The following TXNL1 variants were observed in gnomAD, a reference collection of about 807,000 sequenced individuals.
The protein encoded by TXNL1 is thioredoxin like 1.
TXNL1 carries 14 observed loss-of-function variants against 35.5 expected under a neutral mutation model. The observed-to-expected ratio is 0.39, with a 90% confidence interval of 0.26 to 0.62. The LOEUF is 0.62. Among genes scored for constraint, TXNL1 ranks in the 20% least tolerant of loss-of-function variants. The pLI is 0.47. For synonymous variants in TXNL1, 110 were observed against 115.5 expected (o/e 0.95, Z 0.31); for missense variants, 263 against 349.7 (o/e 0.75, Z 1.98).
intron 3 of TXNL1, among the ~76,000 whole-genome samples, chr18:56,620,887 T>C (rs529787910): frequency 8.5e-5 from 13 of 152,300 alleles, no homozygotes; most frequent in Non-Finnish European, 1.3e-4. Flanking sequence ...TTATAGTAAA[T>C]GTATTACTCA....
At chr18:56,633,364 G>A (rs373951050) in intron 1 of TXNL1, among the ~76,000 whole-genome samples, 10 of 150,916 alleles carry the variant, frequency 6.6e-5, no homozygotes, top group Admixed American at 2.6e-4. Context: ...GGAGAATGGC[G>A]TGAACTCGGG....
At position 56,638,580 on chromosome 18, in the gene TXNL1, C is replaced by G. The variant is rs961241825; in HGVS notation, c.-140G>C. On this transcript the variant is annotated 5_prime_UTR_variant, in exon 1 of 8. Coordinates refer to ENST00000217515, the MANE Select transcript of TXNL1 (RefSeq NM_004786.3). ...AGGTGGCGACCGCCGAGTCTTCTCCCGGGACTCTCAGTGCCGAGTCACGCC... is the reference window on the plus strand; with the variant it reads ...AGGTGGCGACCGCCGAGTCTTCTCCGGGGACTCTCAGTGCCGAGTCACGCC... 40 of 635,046 alleles carry G rather than the reference C, an allele frequency of 6.3e-5. No individual in the cohort carries two copies. The African/African-American group carries it at 7.8e-4, about 12-fold the overall frequency. The allele number at this position is 635,046 out of a possible 1,614,324, so 39.3% of individuals were successfully genotyped here. A position where few individuals can be genotyped will look rare whatever the true frequency, so the allele number is the denominator to read the frequency against.
chr18:56,616,298 G>A lies in TXNL1; in HGVS notation c.509C>T (p.Ala170Val). 2.5e-6 allele frequency: 4 copies of A among 1,613,620 alleles called. No homozygotes were observed. Among genetic ancestry groups the A allele is most frequent in the Non-Finnish European group, 2.5e-6 (3 of 1,179,806 alleles). Residue 170 changes from alanine (A) to valine (V), a missense_variant, in exon 5 of 8, where the codon GCA becomes GTA. Coordinates refer to ENST00000217515, the MANE Select transcript of TXNL1 (RefSeq NM_004786.3). Reference protein sequence around the residue: ...DCDEQLLITVAFNQPVKLYSM... With the variant: ...DCDEQLLITVVFNQPVKLYSM... ...ATAAAGCTTAACAGGTTGATTGAAT[G>A]CCACAGTAATAAGCAGCTGTGAAGA...
chr18:56,630,210 A>G (rs969548055), intron 1 of TXNL1, among the ~76,000 whole-genome samples: 1 of 152,154 alleles, frequency 6.6e-6, no homozygotes, highest in African/African-American at 2.4e-5. Context: ...AAAGAAAAAA[A>G]AAAAAAAAGA....
At position 56,611,074 on chromosome 18, in the gene TXNL1, A is replaced by G; in HGVS notation, c.759T>C (p.Gly253=). 1 of 1,605,768 alleles carries G rather than the reference A, an allele frequency of 6.2e-7. No homozygotes were observed. The highest frequency in any genetic ancestry group is 8.5e-7 in the Non-Finnish European group (1 of 1,177,482). Residue 253 remains glycine, a synonymous_variant, in exon 7 of 8, where the codon GGT becomes GGC. Transcript: ENST00000217515. ...ATGAAATTCTTGTTGTTTCCTCTTC[A>G]CCTTGATTCGACTGAACAAATATCT... ...SVTIFVQSNQ[G]EEETTRISYF...
In TXNL1 at chr18:56,599,046, G is replaced by A. The variant is rs1239218589; in HGVS notation, c.*3981C>T. 2.0e-5 allele frequency: 3 copies of A among 152,120 alleles called. No homozygotes were observed. Among genetic ancestry groups the A allele is most frequent in the Non-Finnish European group, 4.4e-5 (3 of 68,022 alleles). The allele number at this position is 152,120 out of a possible 1,614,324, so 9.4% of individuals were successfully genotyped here. A position where few individuals can be genotyped will look rare whatever the true frequency, so the allele number is the denominator to read the frequency against. ...CTCTTCCCATAGAGAAGCATAGCAA[G>A]CACGAAGGAAAAATACTCTAGCAGT... On this transcript the variant is annotated 3_prime_UTR_variant, in exon 8 of 8. Coordinates refer to ENST00000217515, the MANE Select transcript of TXNL1 (RefSeq NM_004786.3).
chr18:56,624,839 C>T (rs1422234075), intron 2 of TXNL1, among the ~76,000 whole-genome samples: 1 of 152,096 alleles, frequency 6.6e-6, no homozygotes, highest in African/African-American at 2.4e-5. Context: ...CAAACCACTG[C>T]TACTAGAAAA....
chr18:56,638,415 C>G lies in TXNL1; in HGVS notation c.26G>C (p.Ser9Thr). The change falls in exon 1 of 8, where the codon AGC (serine) becomes ACC (threonine). Residue 9 changes from serine (S) to threonine (T), a missense_variant. Physicochemically the swap from Ser to Thr is moderately conservative, Grantham distance 58 (BLOSUM62 1). Coordinates refer to ENST00000217515, the MANE Select transcript of TXNL1 (RefSeq NM_004786.3). MVGVKPVG[S>T]DPDFQPELSG... ...CAGCTCTGGCTGGAAATCCGGGTCG[C>G]TCCCGACGGGCTTCACCCCCACCAT... 1.9e-6 allele frequency: 3 copies of G among 1,613,540 alleles called. No homozygotes were observed. The highest frequency in any genetic ancestry group is 2.5e-6 in the Non-Finnish European group (3 of 1,179,748).
chr18:56,638,414 G>T lies in TXNL1; in HGVS notation c.27C>A (p.Ser9Arg), dbSNP rs1192256724. 2 of 1,613,436 alleles carry T rather than the reference G, an allele frequency of 1.2e-6. No homozygotes were observed. The highest frequency in any genetic ancestry group is 2.2e-5 in the South Asian group (2 of 90,962). Residue 9 changes from serine to arginine, a missense_variant, in exon 1 of 8, where the codon AGC becomes AGA. Physicochemically the swap from Ser to Arg is moderately radical, Grantham distance 110. Coordinates refer to ENST00000217515, the MANE Select transcript of TXNL1 (RefSeq NM_004786.3). ...TCAGCTCTGGCTGGAAATCCGGGTC[G>T]CTCCCGACGGGCTTCACCCCCACCA... MVGVKPVG[S>R]DPDFQPELSG...
At chr18:56,621,506 A>G (rs1482959699) in intron 3 of TXNL1, among the ~76,000 whole-genome samples, 1 of 152,156 alleles carries the variant, frequency 6.6e-6, no homozygotes. Context: ...CACAAAACAT[A>G]TTTAAAGGGG....
chr18:56,630,362 C>T (rs979688784), intron 1 of TXNL1, among the ~76,000 whole-genome samples: 1 of 152,086 alleles, frequency 6.6e-6, no homozygotes, highest in Admixed American at 6.5e-5. Context: ...TGAAGTGGAG[C>T]TCTGAGCCAG....
intron 1 of TXNL1, 134 bp downstream of exon 1, chr18:56,638,209 C>T (rs1175485617): frequency 3.4e-6 from 3 of 887,122 alleles, no homozygotes; most frequent in Middle Eastern, 2.3e-4. Context: ...GGCCTAATTC[C>T]GGCAGCTCCT....
rs386387792 is a variant in TXNL1, at chr18:56,626,797, C to CTTTTTTTTTTT, written c.99-351_99-341dup. Among the ~76,000 whole-genome samples the CTTTTTTTTTTT allele has an allele frequency of 3.7e-3, 202 of 54,998 alleles. 34 individuals are homozygous for CTTTTTTTTTTT. Among genetic ancestry groups the CTTTTTTTTTTT allele is most frequent in the African/African-American group, 8.9e-3 (131 of 14,692 alleles). 36.1% of individuals were successfully genotyped at this position (54,998 alleles called of 152,430 possible). A position where few individuals can be genotyped will look rare whatever the true frequency, so the allele number is the denominator to read the frequency against. Reference sequence around the variant, plus strand: ...TACAGGCGTGAGCCACCAAGCCGGTCTTTTTTTTTTTTTTTTTTTTTTTTG... The same window carrying CTTTTTTTTTTT: ...TACAGGCGTGAGCCACCAAGCCGGTCTTTTTTTTTTTTTTTTTTTTTTTTTTTTTTTTTTTG... On this transcript the variant is annotated intron_variant, in intron 1 of 7. Coordinates refer to ENST00000217515, the MANE Select transcript of TXNL1 (RefSeq NM_004786.3).
At chr18:56,621,875 C>T (rs1303976469) in intron 3 of TXNL1, among the ~76,000 whole-genome samples, 1 of 151,756 alleles carries the variant, frequency 6.6e-6, no homozygotes, top group Non-Finnish European at 1.5e-5. Context: ...TGGTGGGCAC[C>T]TATAATCCCA....
intron 1 of TXNL1, 109 bp from the exon 2 acceptor site, chr18:56,626,566 C>G (rs1235226095): frequency 1.6e-5 from 16 of 1,007,988 alleles, no homozygotes; most frequent in Non-Finnish European, 2.0e-5. Context: ...GCTTTTGACT[C>G]TCTGTTTTTT....
Position 56,626,366 on chromosome 18 carries a change from A to C in TXNL1, c.190T>G (p.Cys64Gly). 6.2e-7 allele frequency: 1 copy of C among 1,610,174 alleles called. No homozygotes were observed. Among genetic ancestry groups the C allele is most frequent in the Non-Finnish European group, 8.5e-7 (1 of 1,178,888 alleles). The change falls in exon 2 of 8, where the codon TGT (cysteine) becomes GGT (glycine). Residue 64 changes from cysteine (C) to glycine (G), a missense_variant. Cys to Gly is a radical substitution (Grantham distance 159). Coordinates refer to ENST00000217515, the MANE Select transcript of TXNL1 (RefSeq NM_004786.3). ...AVFLEVDVHQCQGTAATNNIS... is the reference protein window; with the variant it reads ...AVFLEVDVHQGQGTAATNNIS... ...AAAAGATTCCTTTCCCTTACCTGAC[A>C]CTGATGTACATCGACTTCCAAGAAA...
rs2023765422 is a variant in TXNL1, at chr18:56,598,079, CTA to C, written c.*4946_*4947del. The C allele has an allele frequency of 6.6e-6, 1 of 152,232 alleles. No homozygotes were observed. The highest frequency in any genetic ancestry group is 2.4e-5 in the African/African-American group (1 of 41,458). The allele number at this position is 152,232 out of a possible 1,614,324, so 9.4% of individuals were successfully genotyped here. A position where few individuals can be genotyped will look rare whatever the true frequency, so the allele number is the denominator to read the frequency against. Reference sequence around the variant, plus strand: ...ATGTCTCTTACACTTAACTCCCACTCTATGAACACACTATGCACTTTTCCTTT... The same window carrying C: ...ATGTCTCTTACACTTAACTCCCACTCTGAACACACTATGCACTTTTCCTTT... On this transcript the variant is annotated 3_prime_UTR_variant, in exon 8 of 8. Coordinates refer to ENST00000217515, the MANE Select transcript of TXNL1 (RefSeq NM_004786.3).
intron 6 of TXNL1, among the ~76,000 whole-genome samples, chr18:56,612,875 ATTTT>A (rs879583282): frequency 1.4e-5 from 2 of 146,598 alleles, no homozygotes; most frequent in Admixed American, 6.8e-5. Flanking sequence ...CTTGATTATA[ATTTT>A]TTTTTTTTTG....
intron 5 of TXNL1, 118 bp downstream of exon 5, chr18:56,616,123 CTCTG>C (rs1439388854): frequency 3.7e-6 from 3 of 820,054 alleles, no homozygotes; most frequent in African/African-American, 1.8e-5. Context: ...TAGCACAAGA[CTCTG>C]TCTCAAAAAA....
Sources: allele counts gnomAD v4.1 joint callset (sites outside exome capture counted in the v4.1 genomes callset), GRCh38; gene constraint gnomAD v4.1.1; transcripts MANE v1.5; gene names NCBI Gene and HGNC (gene_info 2026-07-23, HGNC 2026-07-21).